Variants in LTBP1 observed in about 807,000 individuals in gnomAD.
The protein encoded by LTBP1 is latent-transforming growth factor beta-binding protein 1.
A neutral mutation model predicts 207.6 loss-of-function variants in LTBP1; 129 were observed. The observed-to-expected ratio is 0.62, with a 90% CI of 0.54 to 0.72. LTBP1 has a LOEUF of 0.72. LTBP1 is among the 30% of genes least tolerant of loss of function. The pLI is 0.00. For synonymous variants in LTBP1, 963 were observed against 833.7 expected (o/e 1.16, Z -2.67); for missense variants, 2,281 against 2,217.2 (o/e 1.03, Z -0.58).
At chr2:33,268,844 G>A (rs997893023) in intron 15 of LTBP1, among the ~76,000 whole-genome samples, 10 of 152,230 alleles carry the variant, frequency 6.6e-5, no homozygotes, top group Non-Finnish European at 1.0e-4. Context: ...TTTCTCCATG[G>A]CTCTTGCAGA....
chr2:33,176,658 C>T (rs1437072321), intron 5 of LTBP1, among the ~76,000 whole-genome samples: 16 of 152,058 alleles, frequency 1.1e-4, no homozygotes, highest in Admixed American at 1.0e-3. Context: ...AAGTGGTGAA[C>T]GAAATAATCT....
intron 2 of LTBP1, among the ~76,000 whole-genome samples, chr2:32,992,207 C>G (rs1160480735): frequency 6.6e-6 from 1 of 152,164 alleles, no homozygotes; most frequent in East Asian, 1.9e-4. Context: ...CAAATGTATG[C>G]TGCCACGTGA....
chr2:33,341,679 C>T (rs1472276567), intron 24 of LTBP1, among the ~76,000 whole-genome samples: 1 of 140,368 alleles, frequency 7.1e-6, no homozygotes, highest in Non-Finnish European at 1.5e-5. Context: ...CCACTGCACT[C>T]CAGCCTGGGC....
At chr2:33,390,160 T>C (rs946989926) in intron 32 of LTBP1, among the ~76,000 whole-genome samples, 1 of 152,118 alleles carries the variant, frequency 6.6e-6, no homozygotes, top group African/African-American at 2.4e-5. Context: ...TAAAATACAT[T>C]GGTGAGGGGA....
chr2:33,133,067 G>T (rs1471672902), intron 4 of LTBP1, among the ~76,000 whole-genome samples: 2 of 152,154 alleles, frequency 1.3e-5, no homozygotes, highest in African/African-American at 2.4e-5. Context: ...TCAAGTAAAG[G>T]TTACACGACC....
intron 26 of LTBP1, among the ~76,000 whole-genome samples, chr2:33,352,608 C>T (rs959513274): frequency 6.6e-6 from 1 of 152,216 alleles, no homozygotes; most frequent in South Asian, 2.1e-4. Flanking sequence ...CTTTCAGCAT[C>T]ACTTACCTGG....
At chr2:33,010,105 T>TG (rs1687468006) in intron 2 of LTBP1, among the ~76,000 whole-genome samples, 1 of 151,680 alleles carries the variant, frequency 6.6e-6, no homozygotes, top group Non-Finnish European at 1.5e-5. Context: ...TCAGCAGCCA[T>TG]GGGGGGACAT....
intron 2 of LTBP1, among the ~76,000 whole-genome samples, chr2:32,986,606 T>C (rs1487700000): frequency 6.6e-6 from 1 of 152,108 alleles, no homozygotes; most frequent in Non-Finnish European, 1.5e-5. Context: ...TTCAAGATGA[T>C]GACAGCAGAA....
At chr2:32,997,225 C>T (rs570303703) in intron 2 of LTBP1, among the ~76,000 whole-genome samples, 1 of 152,192 alleles carries the variant, frequency 6.6e-6, no homozygotes, top group African/African-American at 2.4e-5. Flanking sequence ...AATCAAAACT[C>T]AGTGGCCAGG....
chr2:33,044,336 C>T (rs1225260338), intron 3 of LTBP1, among the ~76,000 whole-genome samples: 1 of 152,052 alleles, frequency 6.6e-6, no homozygotes, highest in African/African-American at 2.4e-5. Flanking sequence ...CATTGTTCAA[C>T]TCCCACTTAC....
At chr2:33,211,165 A>G (rs1248234235) in intron 7 of LTBP1, among the ~76,000 whole-genome samples, 1 of 152,230 alleles carries the variant, frequency 6.6e-6, no homozygotes, top group Non-Finnish European at 1.5e-5. Context: ...TAGTAAGATT[A>G]AGTAGTAGGT....
At chr2:33,037,389 A>G (rs528568294) in intron 3 of LTBP1, among the ~76,000 whole-genome samples, 41 of 152,120 alleles carry the variant, frequency 2.7e-4, no homozygotes, top group Admixed American at 5.9e-4. Flanking sequence ...GATTTCTTCT[A>G]GTTTATTAAT....
In LTBP1 at chr2:33,188,766, C is replaced by T. The variant is rs747175319; in HGVS notation, c.1616C>T (p.Ser539Phe). Reference protein sequence around the residue: ...QKTQTIHSTYSHQQVIPHVYP... With the variant: ...QKTQTIHSTYFHQQVIPHVYP... The stretch of plus-strand genomic sequence containing the variant: ...ACCCAGACCATACATTCCACATACT[C>T]CCACCAGCAGGTCATTCCTCACGTC... Residue 539 changes from serine to phenylalanine, a missense_variant, in exon 7 of 34, where the codon TCC becomes TTC. Ser to Phe is a radical substitution (Grantham distance 155). Coordinates refer to ENST00000404816, the MANE Select transcript of LTBP1 (RefSeq NM_206943.4). 1.9e-6 allele frequency: 3 copies of T among 1,614,180 alleles called. No homozygotes were observed. The highest frequency in any genetic ancestry group is 1.1e-5 in the South Asian group (1 of 91,078).
chr2:33,315,146 A>T lies in LTBP1; in HGVS notation c.3607A>T (p.Ile1203Phe). Residue 1203 changes from isoleucine (I) to phenylalanine (F), a missense_variant and splice_region_variant, in exon 24 of 34, where the codon ATT (isoleucine) becomes TTT (phenylalanine). Physicochemically the swap from Ile to Phe is conservative, Grantham distance 21. Coordinates refer to ENST00000404816, the MANE Select transcript of LTBP1 (RefSeq NM_206943.4). ...QLDDNKTCQD[I>F]NECEHPGLCG... ...TAAGACTCTATTTTAAATTACAGATATTAATGAATGTGAACATCCAGGGCT... is the reference window on the plus strand; with the variant it reads ...TAAGACTCTATTTTAAATTACAGATTTTAATGAATGTGAACATCCAGGGCT... The T allele has an allele frequency of 6.3e-7, 1 of 1,597,010 alleles. No homozygotes were observed. The highest frequency in any genetic ancestry group is 2.2e-5 in the East Asian group (1 of 44,806).
Position 33,166,043 on chromosome 2 carries a change from C to T in LTBP1, c.1202-20813C>T, listed in dbSNP as rs2084886896. 2.0e-5 allele frequency among the ~76,000 whole-genome samples: 3 copies of T among 150,154 alleles called. No individual in the cohort carries two copies. The Admixed American group carries it at 2.0e-4, about 10-fold the overall frequency. ...CATAGCCTAACTTTAAAAGTAGATA[C>T]ACACCCCTCTATGAGTAATGTATGT... On this transcript the variant is annotated intron_variant, in intron 5 of 33. Coordinates refer to ENST00000404816, the MANE Select transcript of LTBP1 (RefSeq NM_206943.4).
At chr2:33,240,867 G>T (rs2092295092) in intron 9 of LTBP1, among the ~76,000 whole-genome samples, 1 of 151,936 alleles carries the variant, frequency 6.6e-6, no homozygotes, top group Non-Finnish European at 1.5e-5. Flanking sequence ...AGCCAGGATG[G>T]TCTCGATCTC....
At chr2:33,165,624 C>T (rs1418169486) in intron 5 of LTBP1, among the ~76,000 whole-genome samples, 3 of 152,306 alleles carry the variant, frequency 2.0e-5, no homozygotes, top group African/African-American at 7.2e-5. Context: ...TGGGGACCTT[C>T]TGATACACTA....
intron 24 of LTBP1, among the ~76,000 whole-genome samples, chr2:33,329,254 A>G (rs954629057): frequency 6.6e-6 from 1 of 152,144 alleles, no homozygotes. Flanking sequence ...TCCCTTGTGA[A>G]GATATATCTT....
At chr2:33,203,648 A>C (rs1410942003) in intron 7 of LTBP1, among the ~76,000 whole-genome samples, 1 of 152,102 alleles carries the variant, frequency 6.6e-6, no homozygotes, top group East Asian at 1.9e-4. Context: ...TTTTATTGGC[A>C]ATTAAAATGC....
Sources: gnomAD v4.1 joint callset for allele counts (sites outside exome capture counted in the v4.1 genomes callset) on GRCh38, gnomAD v4.1.1 for gene constraint, MANE v1.5 for transcripts, NCBI Gene and HGNC (gene_info 2026-07-23, HGNC 2026-07-21) for gene names.